The following KCNK10 variants were observed in gnomAD, a reference collection of about 807,000 sequenced individuals.
KCNK10 encodes the protein potassium channel subfamily K member 10.
A neutral mutation model predicts 47.7 loss-of-function variants in KCNK10; 25 were observed. The ratio of observed to expected loss-of-function variants is 0.52; its 90% CI spans 0.38 to 0.73. KCNK10 has a LOEUF of 0.73. Ranked by LOEUF, KCNK10 falls within the 30% of genes least tolerant of loss-of-function variation. The probability of loss-of-function intolerance (pLI) is 0.00; values close to 1 mark genes in which losing one functional copy is unlikely to be tolerated. For missense variants in KCNK10, 563 were observed against 714.5 expected (o/e 0.79, Z 2.42); for synonymous variants, 303 against 285.6 (o/e 1.06, Z -0.61).
chr14:88,278,721 C>T (rs955241526), intron 1 of KCNK10, among the ~76,000 whole-genome samples: 1 of 152,202 alleles, frequency 6.6e-6, no homozygotes, highest in Non-Finnish European at 1.5e-5. Flanking sequence ...TTGGATTCAA[C>T]CCATACTTAA....
intron 1 of KCNK10, among the ~76,000 whole-genome samples, chr14:88,281,283 G>A (rs1887644133): frequency 6.6e-6 from 1 of 152,172 alleles, no homozygotes. Context: ...ACTACTCTAA[G>A]TAGCCTAGGA....
At chr14:88,254,254 C>T (rs117420111) in intron 2 of KCNK10, among the ~76,000 whole-genome samples, 2,170 of 152,272 alleles carry the variant, frequency 0.014, 30 homozygotes, top group East Asian at 0.045. Context: ...GGGGATTAGA[C>T]CAACCTGCCC....
chr14:88,291,094 A>T (rs369354348), intron 1 of KCNK10, among the ~76,000 whole-genome samples: 12 of 152,336 alleles, frequency 7.9e-5, no homozygotes, highest in African/African-American at 2.6e-4. Context: ...ACCAGCAGAA[A>T]ATCATGAAGA....
At chr14:88,222,470 C>T (rs537283939) in intron 4 of KCNK10, among the ~76,000 whole-genome samples, 15 of 152,224 alleles carry the variant, frequency 9.9e-5, no homozygotes, top group East Asian at 9.6e-4. Context: ...TAATGGTAGA[C>T]GCATGTCATT....
intron 1 of KCNK10, among the ~76,000 whole-genome samples, chr14:88,267,301 G>A (rs1887287061): frequency 1.3e-5 from 2 of 152,126 alleles, no homozygotes; most frequent in Non-Finnish European, 1.5e-5. Context: ...TGGCAAAGAA[G>A]ACTGCACATC....
intron 2 of KCNK10, among the ~76,000 whole-genome samples, chr14:88,256,012 A>T (rs1451786337): frequency 1.3e-5 from 2 of 152,222 alleles, no homozygotes; most frequent in Admixed American, 1.3e-4. Flanking sequence ...CTCTGCAGGA[A>T]GTTACCCATT....
chr14:88,221,301 C>CAATATTAATAATAATAAT (rs139678476), intron 4 of KCNK10, among the ~76,000 whole-genome samples: 11 of 144,170 alleles, frequency 7.6e-5, no homozygotes, highest in African/African-American at 2.9e-4. Flanking sequence ...GACTCTGTCT[C>CAATATTAATAATAATAAT]AATAATAATA....
chr14:88,323,068 G>T lies in KCNK10; in HGVS notation c.-270C>A. 1 of 1,283,678 alleles carries T rather than the reference G, an allele frequency of 7.8e-7. No homozygotes were observed. The highest frequency in any genetic ancestry group is 1.7e-5 in the South Asian group (1 of 59,156). The allele number at this position is 1,283,678 out of a possible 1,614,324, so 79.5% of individuals were successfully genotyped here. ...GAAAAAGTAAGATCGGCGAGGGGTG[G>T]ATGAAAGGATGGAGAGGAAGGCTTG... On this transcript the variant is annotated 5_prime_UTR_variant, in exon 1 of 7. Transcript: ENST00000319231.
chr14:88,264,576 G>A (rs1887204601), intron 1 of KCNK10, among the ~76,000 whole-genome samples: 1 of 152,152 alleles, frequency 6.6e-6, no homozygotes, highest in South Asian at 2.1e-4. Context: ...GTCACTGCCT[G>A]TTCAAAACAC....
At chr14:88,296,365 T>C (rs1284083596) in intron 1 of KCNK10, among the ~76,000 whole-genome samples, 1 of 152,224 alleles carries the variant, frequency 6.6e-6, no homozygotes, top group Non-Finnish European at 1.5e-5. Flanking sequence ...TGATGATCAA[T>C]GAATACTTAT....
Position 88,228,511 on chromosome 14 carries a change from A to G in KCNK10, c.521-976T>C, listed in dbSNP as rs539252420. Among the ~76,000 whole-genome samples the G allele has an allele frequency of 4.1e-4, 62 of 152,322 alleles. 1 individual carries two copies. In the South Asian group the frequency reaches 0.011, roughly 28 times the overall value. On this transcript the variant is annotated intron_variant, in intron 3 of 6. Transcript: ENST00000319231. ...TTGTGCCAATTGATATTACAATCTT[A>G]TGTTAAAAAGTATCTAGACAGTAAT...
At chr14:88,270,653 G>A (rs373233223) in intron 1 of KCNK10, 1 of 776,190 alleles carries the variant, frequency 1.3e-6, no homozygotes, top group Non-Finnish European at 2.4e-6. Flanking sequence ...CAGACTGGGG[G>A]GAAGAGGGAG....
intron 1 of KCNK10, among the ~76,000 whole-genome samples, chr14:88,318,011 AC>A (rs1888464186): frequency 6.6e-6 from 1 of 152,232 alleles, no homozygotes; most frequent in African/African-American, 2.4e-5. Flanking sequence ...AGATCAGTCC[AC>A]CCATCCACCC....
intron 1 of KCNK10, among the ~76,000 whole-genome samples, chr14:88,308,417 C>A (rs747224431): frequency 6.6e-6 from 1 of 152,216 alleles, no homozygotes. Flanking sequence ...CCTCATTCTG[C>A]CCCAGCAGCC....
chr14:88,291,304 G>C (rs1887870834), intron 1 of KCNK10, among the ~76,000 whole-genome samples: 1 of 152,164 alleles, frequency 6.6e-6, no homozygotes, highest in African/African-American at 2.4e-5. Flanking sequence ...CATTCAAAGA[G>C]AGGGTTTCTC....
At chr14:88,225,171 A>C (rs1885943922) in intron 4 of KCNK10, among the ~76,000 whole-genome samples, 1 of 152,246 alleles carries the variant, frequency 6.6e-6, no homozygotes, top group Non-Finnish European at 1.5e-5. Flanking sequence ...ATTTTCTACC[A>C]AAACTTTACA....
At chr14:88,188,911 AG>A (rs1884655523) in intron 5 of KCNK10, among the ~76,000 whole-genome samples, 1 of 152,240 alleles carries the variant, frequency 6.6e-6, no homozygotes, top group Non-Finnish European at 1.5e-5. Context: ...TGCTGGAGGC[AG>A]CCATGCAAAA....
chr14:88,186,017 G>A lies in KCNK10; in HGVS notation c.1150C>T (p.Arg384Trp), dbSNP rs368635469. 1.4e-5 allele frequency: 22 copies of A among 1,613,502 alleles called. No homozygotes were observed. The highest frequency in any genetic ancestry group is 1.8e-5 in the Non-Finnish European group (21 of 1,179,924). Reference sequence around the variant, plus strand: ...TGGGCCCGCTGGTCCAGGCCCAGCCGCCGGCGCTCCATGCTGCGGATGGTG... The same window carrying A: ...TGGGCCCGCTGGTCCAGGCCCAGCCACCGGCGCTCCATGCTGCGGATGGTG... ...AATIRSMERR[R>W]LGLDQRAHSL... The change falls in exon 7 of 7, where the codon CGG becomes TGG. Residue 384 changes from arginine (R) to tryptophan (W), a missense_variant. Physicochemically the swap from Arg to Trp is moderately radical, Grantham distance 101 (BLOSUM62 -3). Coordinates refer to ENST00000319231, the MANE Select transcript of KCNK10 (RefSeq NM_138317.3). This position sits in a 1 kb window ranked among gnomAD's most constrained non-coding sequence, Gnocchi z 5.5.
intron 1 of KCNK10, among the ~76,000 whole-genome samples, chr14:88,280,501 C>T (rs1429323355): frequency 1.3e-5 from 2 of 152,304 alleles, no homozygotes; most frequent in Admixed American, 6.5e-5. Flanking sequence ...GGAACTCCAG[C>T]TTCACACACC....
Sources: gnomAD v4.1 joint callset for allele counts (sites outside exome capture counted in the v4.1 genomes callset) on GRCh38, gnomAD v4.1.1 for gene constraint, Gnocchi (gnomAD v3.1) non-coding constraint, MANE v1.5 for transcripts, NCBI Gene and HGNC (gene_info 2026-07-23, HGNC 2026-07-21) for gene names.